Variants in MDH1B observed in about 807,000 individuals in gnomAD.
MDH1B encodes putative malate dehydrogenase 1B.
Under a neutral mutation model 61.4 loss-of-function variants are expected in MDH1B, and 60 were observed. That is an observed-to-expected ratio of 0.98 (90% CI 0.79 to 1.21). The LOEUF (loss-of-function observed/expected upper bound fraction) is 1.21. Among genes scored for constraint, MDH1B ranks in the 50% most tolerant of loss-of-function variants. MDH1B has a pLI of 0.00. For missense variants in MDH1B, 587 were observed against 632.1 expected (o/e 0.93, Z 0.76); for synonymous variants, 236 against 218.7 (o/e 1.08, Z -0.70).
rs923880147 is a variant in MDH1B at position 206,742,929 on chromosome 2, A to C, written c.1409-1825T>G. Among the ~76,000 whole-genome samples, 4 of 151,874 alleles carry C rather than the reference A, an allele frequency of 2.6e-5. 1 individual carries two copies. Among genetic ancestry groups the C allele is most frequent in the African/African-American group, 4.8e-5 (2 of 41,340 alleles). On this transcript the variant is annotated intron_variant, in intron 9 of 11. Coordinates refer to ENST00000374412, the MANE Select transcript of MDH1B (RefSeq NM_001039845.3). ...ACAGGGTTTCACCATGTTAGCCAGG[A>C]TGGTCTCGATCTCCTGACTTTGTGA...
At chr2:206,748,976 T>C (rs763836475) in intron 7 of MDH1B, 44 bp downstream of exon 7, 17 of 1,566,140 alleles carry the variant, frequency 1.1e-5, no homozygotes, top group African/African-American at 4.1e-5. Context: ...GAGTTATAGA[T>C]AGAGGTTTTA....
At chr2:206,756,681 G>T in intron 4 of MDH1B, 1 of 532,042 alleles carries the variant, frequency 1.9e-6, no homozygotes, top group East Asian at 3.2e-5. Flanking sequence ...CTGTGTTTGT[G>T]TCTATAAAAC....
chr2:206,741,021 A>G (rs1350620495), intron 10 of MDH1B, 33 bp downstream of exon 10: 1 of 1,612,654 alleles, frequency 6.2e-7, no homozygotes, highest in Non-Finnish European at 8.5e-7. Flanking sequence ...ACTATTAGCA[A>G]TATAGACATT....
chr2:206,742,860 T>C (rs1266852165), intron 9 of MDH1B, among the ~76,000 whole-genome samples: 7 of 151,268 alleles, frequency 4.6e-5, no homozygotes, highest in East Asian at 1.9e-4. Flanking sequence ...TACAGGTGCC[T>C]GCCACCATGC....
chr2:206,756,875 A>G, intron 4 of MDH1B, 23 bp downstream of exon 4: 1 of 1,611,236 alleles, frequency 6.2e-7, no homozygotes, highest in Non-Finnish European at 8.5e-7. Context: ...AATCTCATGA[A>G]TCCTGGGATT....
chr2:206,741,233 T>A, intron 9 of MDH1B, 129 bp from the exon 10 acceptor site: 1 of 1,202,610 alleles, frequency 8.3e-7, no homozygotes, highest in Non-Finnish European at 1.2e-6. Context: ...AGACACATTT[T>A]ACATTATAGT....
chr2:206,747,857 T>C (rs1250243702), intron 7 of MDH1B, among the ~76,000 whole-genome samples: 4 of 152,042 alleles, frequency 2.6e-5, no homozygotes, highest in Non-Finnish European at 4.4e-5. Context: ...ATGGAACCAA[T>C]TGGGAAGGAT....
intron 6 of MDH1B, 43 bp from the exon 7 acceptor site, chr2:206,749,226 TTAAAGA>T: frequency 6.3e-7 from 1 of 1,578,220 alleles, no homozygotes; most frequent in Non-Finnish European, 8.7e-7. Flanking sequence ...GAGAGAGGAA[TTAAAGA>T]GAAAAAGGAT....
intron 10 of MDH1B, among the ~76,000 whole-genome samples, chr2:206,740,498 G>C (rs1228724324): frequency 6.6e-6 from 1 of 152,162 alleles, no homozygotes; most frequent in Non-Finnish European, 1.5e-5. Context: ...AGGGATGGCA[G>C]AGGTGGAAGA....
At chr2:206,754,081 T>C (rs1412243443) in intron 5 of MDH1B, among the ~76,000 whole-genome samples, 1 of 152,196 alleles carries the variant, frequency 6.6e-6, no homozygotes, top group Non-Finnish European at 1.5e-5. Flanking sequence ...GGGGATAAAA[T>C]ACTAAAGATA....
At chr2:206,761,669 C>A (rs571375921) in intron 1 of MDH1B, among the ~76,000 whole-genome samples, 1 of 151,980 alleles carries the variant, frequency 6.6e-6, no homozygotes, top group East Asian at 1.9e-4. Context: ...GTGCAGGTGC[C>A]ATGTAAGGGT....
rs2105946117 is a variant in MDH1B, at chr2:206,756,897, C to T, written c.413+1G>A. ...TGAATCCTGGGATTTGACTGTCCCA[C>T]CTGGTGATCCAGACCTGCAAGGGGT... On this transcript the variant is annotated splice_donor_variant, in intron 4 of 11. Coordinates refer to ENST00000374412, the MANE Select transcript of MDH1B (RefSeq NM_001039845.3). LOFTEE classifies it high-confidence loss of function. The T allele has an allele frequency of 1.2e-6, 2 of 1,614,094 alleles. No homozygotes were observed. Among genetic ancestry groups the T allele is most frequent in the East Asian group, 2.2e-5 (1 of 44,880 alleles).
At position 206,750,957 on chromosome 2, in the gene MDH1B, A is replaced by C. The variant is rs757411453; in HGVS notation, c.1029T>G (p.Pro343=). Residue 343 remains proline (P), a synonymous_variant, in exon 6 of 12, where the codon CCT becomes CCG. Transcript: ENST00000374412. ...ACCTGTCAAAAATCAAGTTTAAAAC[A>C]GGGCGTGAATAATGAAGAGGTCCCC... The part of the protein sequence containing the change: ...AIWGPLHYSR[P]VLNLIFDSEW... The C allele has an allele frequency of 5.6e-6, 9 of 1,608,660 alleles. No homozygotes were observed. The African/African-American group carries it at 1.2e-4, about 22-fold the overall frequency.
intron 6 of MDH1B, 56 bp from the exon 7 acceptor site, chr2:206,749,239 G>C (rs1688300750): frequency 6.6e-7 from 1 of 1,525,900 alleles, no homozygotes; most frequent in Admixed American, 1.7e-5. Context: ...AAGAGAAAAA[G>C]GATGTTCCCT....
Position 206,738,367 on chromosome 2 carries a change from T to C in MDH1B, c.*116A>G, listed in dbSNP as rs755390408. On this transcript the variant is annotated 3_prime_UTR_variant, in exon 12 of 12. Coordinates refer to ENST00000374412, the MANE Select transcript of MDH1B (RefSeq NM_001039845.3). ...GATTTAATTGCCTTGCATGGTATTA[T>C]CTAAGACTGACATAAATCTTTCAAA... The C allele has an allele frequency of 9.6e-5, 76 of 792,228 alleles. No homozygotes were observed. Among genetic ancestry groups the C allele is most frequent in the Non-Finnish European group, 1.3e-4 (68 of 515,416 alleles). The allele number at this position is 792,228 out of a possible 1,614,324, so 49.1% of individuals were successfully genotyped here.
Position 206,755,392 on chromosome 2 carries a change from T to A in MDH1B, c.527A>T (p.His176Leu), listed in dbSNP as rs763691780. 2.5e-6 allele frequency: 4 copies of A among 1,614,222 alleles called. No individual in the cohort carries two copies. The highest frequency in any genetic ancestry group is 3.4e-6 in the Non-Finnish European group (4 of 1,180,036). Reference sequence around the variant, plus strand: ...GGTCTCCACCACAAGGCTTTTGAGATGTTCTTCCGCCTGCTTGTTGTCAAA... The same window carrying A: ...GGTCTCCACCACAAGGCTTTTGAGAAGTTCTTCCGCCTGCTTGTTGTCAAA... ...TLFDNKQAEE[H>L]LKSLVVETQD... The change falls in exon 5 of 12, where the codon CAT becomes CTT. Residue 176 changes from histidine (H) to leucine (L), a missense_variant. Coordinates refer to ENST00000374412, the MANE Select transcript of MDH1B (RefSeq NM_001039845.3).
Position 206,746,359 on chromosome 2 carries a change from C to T in MDH1B, c.1284G>A (p.Val428=), listed in dbSNP as rs1160607800. The T allele has an allele frequency of 6.2e-7, 1 of 1,613,830 alleles. No individual in the cohort carries two copies. Among genetic ancestry groups the T allele is most frequent in the Admixed American group, 1.7e-5 (1 of 59,984 alleles). Residue 428 remains valine, a synonymous_variant, in exon 8 of 12, where the codon GTG becomes GTA. Coordinates refer to ENST00000374412, the MANE Select transcript of MDH1B (RefSeq NM_001039845.3). ...CAACATCTTTGAGATCTGTAAGAAC[C>T]ACCCAAGTTCCATTCTCAAATTTCA... ...MPVKFENGTW[V]VLTDLKDVEI... is the part of the protein sequence containing the mutation.
chr2:206,760,307 T>C (rs990899801), intron 2 of MDH1B, among the ~76,000 whole-genome samples: 1 of 152,234 alleles, frequency 6.6e-6, no homozygotes, highest in African/African-American at 2.4e-5. Context: ...GGGCAGCTGA[T>C]ATCCGATGGC....
chr2:206,763,942 A>T (rs367568218), intron 1 of MDH1B, among the ~76,000 whole-genome samples: 103 of 152,192 alleles, frequency 6.8e-4, no homozygotes, highest in African/African-American at 2.3e-3. Flanking sequence ...TCAGTGTCAT[A>T]CATGCAACAT....
Sources: gnomAD v4.1 joint callset for allele counts (sites outside exome capture counted in the v4.1 genomes callset) on GRCh38, gnomAD v4.1.1 for gene constraint, MANE v1.5 for transcripts, NCBI Gene and HGNC (gene_info 2026-07-23, HGNC 2026-07-21) for gene names.